Variants in KIAA1217 observed in about 807,000 individuals in gnomAD.
KIAA1217 encodes sickle tail protein homolog.
In KIAA1217, 88 loss-of-function variants were observed where a neutral mutation model predicts 163.9. The observed-to-expected ratio is 0.54, with a 90% CI of 0.45 to 0.64. The LOEUF (loss-of-function observed/expected upper bound fraction) is 0.64, where lower values mean the gene tolerates loss of function less well. Ranked by LOEUF, KIAA1217 falls within the 30% of genes least tolerant of loss-of-function variation. KIAA1217 has a pLI of 0.00. For synonymous variants in KIAA1217, 903 were observed against 923.1 expected, an observed-to-expected ratio of 0.98 and a Z score of 0.39; for missense variants, 2,372 against 2,475.0, an observed-to-expected ratio of 0.96 and a Z score of 0.88.
intron 1 of KIAA1217, among the ~76,000 whole-genome samples, chr10:23,765,187 C>CTCTTTTT (rs1834448899): frequency 2.9e-4 from 22 of 75,366 alleles, no homozygotes; most frequent in Non-Finnish European, 4.4e-4. Flanking sequence ...TTTTTGTTCT[C>CTCTTTTT]TTTTTTTTTT....
chr10:24,046,897 C>T (rs1849071189), intron 2 of KIAA1217, among the ~76,000 whole-genome samples: 1 of 152,224 alleles, frequency 6.6e-6, no homozygotes. Flanking sequence ...AAAAGCAATT[C>T]ACTCATCAGA....
upstream of KIAA1217, among the ~76,000 whole-genome samples, chr10:24,206,249 T>C (rs1303286626): frequency 1.3e-5 from 2 of 152,222 alleles, no homozygotes; most frequent in Non-Finnish European, 2.9e-5. Flanking sequence ...TCACAGCAAA[T>C]TTCAAAGTAT....
At chr10:24,486,950 C>T (rs1375397292) in intron 6 of KIAA1217, among the ~76,000 whole-genome samples, 2 of 152,312 alleles carry the variant, frequency 1.3e-5, no homozygotes, top group East Asian at 3.9e-4. Flanking sequence ...AGTAGGTGCT[C>T]AATAAATGTC....
chr10:23,770,877 A>T (rs1185853719), intron 1 of KIAA1217, among the ~76,000 whole-genome samples: 2 of 152,214 alleles, frequency 1.3e-5, no homozygotes, highest in African/African-American at 2.4e-5. Context: ...TATGGCTTGC[A>T]GTATTGGTGC....
intron 1 of KIAA1217, among the ~76,000 whole-genome samples, chr10:23,836,089 G>A (rs1838434543): frequency 2.0e-5 from 3 of 152,056 alleles, no homozygotes; most frequent in African/African-American, 7.2e-5. Flanking sequence ...CTTACATACT[G>A]TACTTCAAAT....
At chr10:23,962,338 C>T in intron 1 of KIAA1217, among the ~76,000 whole-genome samples, 1 of 152,172 alleles carries the variant, frequency 6.6e-6, no homozygotes, top group Non-Finnish European at 1.5e-5. Context: ...TGTTCTGAGG[C>T]TTAACTGAAA....
chr10:24,400,039 A>G lies in KIAA1217; in HGVS notation c.553+18972A>G, dbSNP rs954391870. 2.6e-5 allele frequency among the ~76,000 whole-genome samples: 4 copies of G among 152,376 alleles called. No homozygotes were observed. In the South Asian group the frequency reaches 6.2e-4, roughly 24 times the overall value. On this transcript the variant is annotated intron_variant, in intron 3 of 20. Coordinates refer to ENST00000376454, the MANE Select transcript of KIAA1217 (RefSeq NM_019590.5). Reference sequence around the variant, plus strand: ...CATAGCAACAGGAAAATGAACAGATAGATGGACTAATCGCCCCTGCGTAAA... The same window carrying G: ...CATAGCAACAGGAAAATGAACAGATGGATGGACTAATCGCCCCTGCGTAAA...
chr10:23,777,450 A>C (rs1835053594), intron 1 of KIAA1217, among the ~76,000 whole-genome samples: 2 of 152,236 alleles, frequency 1.3e-5, no homozygotes, highest in Non-Finnish European at 2.9e-5. Flanking sequence ...TTAAGAGGGA[A>C]GGGGTCTTGC....
intron 1 of KIAA1217, among the ~76,000 whole-genome samples, chr10:23,855,667 G>A (rs752791512): frequency 3.9e-5 from 6 of 152,088 alleles, no homozygotes; most frequent in African/African-American, 7.2e-5. Flanking sequence ...CGTAGATTTC[G>A]TCTTTTCATG....
At chr10:24,419,022 C>G (rs2058508064) in intron 3 of KIAA1217, among the ~76,000 whole-genome samples, 1 of 151,736 alleles carries the variant, frequency 6.6e-6, no homozygotes, top group Admixed American at 6.6e-5. Flanking sequence ...ACTAAAAATA[C>G]AAAAATTAGC....
intron 1 of KIAA1217, among the ~76,000 whole-genome samples, chr10:23,958,659 A>G (rs112418529): frequency 1.3e-5 from 2 of 150,280 alleles, no homozygotes; most frequent in East Asian, 3.9e-4. Flanking sequence ...AAATGAGAGA[A>G]AGAGAGAGAG....
chr10:24,507,571 C>T (rs1199734437), intron 9 of KIAA1217, among the ~76,000 whole-genome samples: 1 of 151,986 alleles, frequency 6.6e-6, no homozygotes, highest in Non-Finnish European at 1.5e-5. Context: ...CTAAAAACAG[C>T]AATGGAAACT....
chr10:24,291,892 C>A (rs903713722), intron 2 of KIAA1217, among the ~76,000 whole-genome samples: 1 of 152,152 alleles, frequency 6.6e-6, no homozygotes, highest in Non-Finnish European at 1.5e-5. Flanking sequence ...ATGTTAAATT[C>A]TCCCATATAC....
intron 3 of KIAA1217, among the ~76,000 whole-genome samples, chr10:24,382,726 G>A (rs1430078796): frequency 6.6e-6 from 1 of 152,074 alleles, no homozygotes; most frequent in Non-Finnish European, 1.5e-5. Context: ...ACACACAGGG[G>A]AGGGACACAC....
intron 6 of KIAA1217, chr10:24,482,099 A>G (rs2064787762): frequency 1.3e-5 from 2 of 152,220 alleles, no homozygotes; most frequent in Admixed American, 1.3e-4. Flanking sequence ...TAAACATACT[A>G]GACCAACTAA....
chr10:24,445,619 G>T (rs111999191), intron 5 of KIAA1217, among the ~76,000 whole-genome samples: 1 of 145,300 alleles, frequency 6.9e-6, no homozygotes, highest in African/African-American at 2.6e-5. Flanking sequence ...CTATAAGTGA[G>T]AACATGCGGT....
intron 2 of KIAA1217, among the ~76,000 whole-genome samples, chr10:24,257,792 T>C (rs184156011): frequency 2.5e-4 from 38 of 152,206 alleles, no homozygotes; most frequent in African/African-American, 8.9e-4. Context: ...CTTGAGAAAG[T>C]GCAGAGGGAC....
At chr10:24,422,767 A>T (rs2058834470) in intron 3 of KIAA1217, among the ~76,000 whole-genome samples, 1 of 150,862 alleles carries the variant, frequency 6.6e-6, no homozygotes, top group African/African-American at 2.4e-5. Context: ...AAACAAAACA[A>T]AGTTAAAGGG....
intron 1 of KIAA1217, among the ~76,000 whole-genome samples, chr10:23,949,459 C>T (rs16924114): frequency 0.43 from 65,691 of 151,926 alleles, 17,687 homozygotes; most frequent in African/African-American, 0.77. Context: ...GGTGAGAATT[C>T]GTTTCCCTGA....
Sources: allele counts gnomAD v4.1 joint callset (sites outside exome capture counted in the v4.1 genomes callset), GRCh38; gene constraint gnomAD v4.1.1; transcripts MANE v1.5; gene names NCBI Gene and HGNC (gene_info 2026-07-23, HGNC 2026-07-21).